CCDC169: variants seen among roughly 807,000 people sequenced by gnomAD.
The protein encoded by CCDC169 is coiled-coil domain-containing protein 169.
In CCDC169, 30 loss-of-function variants were observed where a neutral mutation model predicts 36.0. The observed-to-expected ratio is 0.83, with a 90% CI of 0.62 to 1.13. The LOEUF (loss-of-function observed/expected upper bound fraction) is 1.13, where lower values mean the gene tolerates loss of function less well. Ranked by LOEUF, CCDC169 falls within the 50% of genes most tolerant of loss-of-function variation. CCDC169 has a pLI of 0.00. For missense variants in CCDC169, 245 were observed against 245.9 expected (o/e 1.00, Z 0.03); for synonymous variants, 85 against 81.5 (o/e 1.04, Z -0.23).
downstream of CCDC169, chr13:36,227,149 A>G: frequency 8.4e-7 from 1 of 1,190,882 alleles, no homozygotes; most frequent in Non-Finnish European, 1.2e-6. Context: ...TTAAAGAAAT[A>G]CATGTGAGAT....
At chr13:36,250,281 C>T (rs149621796) in intron 6 of CCDC169, among the ~76,000 whole-genome samples, 8 of 152,182 alleles carry the variant, frequency 5.3e-5, no homozygotes, top group Admixed American at 3.9e-4. Flanking sequence ...TTTGGTCTAA[C>T]GGCAGTCTAG....
Position 36,296,838 on chromosome 13 carries a change from T to C in CCDC169, c.83+799A>G, listed in dbSNP as rs527696904. ...ACTATTTGTATACCAGTCTTAGAGC[T>C]GAGAAAACTGAGGATTAAAGAGGTT... On this transcript the variant is annotated intron_variant, in intron 1 of 7. Transcript: ENST00000239859. Among the ~76,000 whole-genome samples, 7 of 152,326 alleles carry C rather than the reference T, an allele frequency of 4.6e-5. No individual in the cohort carries two copies. The South Asian group carries it at 1.0e-3, about 23-fold the overall frequency.
At chr13:36,237,664 T>G (rs1871256358) in intron 7 of CCDC169, among the ~76,000 whole-genome samples, 1 of 152,216 alleles carries the variant, frequency 6.6e-6, no homozygotes, top group African/African-American at 2.4e-5. Flanking sequence ...AAATGTTATA[T>G]TAAGCAGCAG....
chr13:36,272,434 A>C (rs1472163305), intron 4 of CCDC169, among the ~76,000 whole-genome samples: 1 of 152,104 alleles, frequency 6.6e-6, no homozygotes, highest in African/African-American at 2.4e-5. Context: ...ACATGTAAAA[A>C]TTTTTTGAAG....
chr13:36,287,196 A>C (rs1878356736), intron 2 of CCDC169, among the ~76,000 whole-genome samples: 6 of 152,154 alleles, frequency 3.9e-5, no homozygotes, highest in Admixed American at 3.9e-4. Context: ...GCCTGCTTTA[A>C]ATCTGCTGTT....
At chr13:36,247,630 A>G (rs1160154336) in intron 7 of CCDC169, among the ~76,000 whole-genome samples, 1 of 152,192 alleles carries the variant, frequency 6.6e-6, no homozygotes, top group Admixed American at 6.5e-5. Flanking sequence ...TTAGAAGTAG[A>G]GCCTGAAGAG....
At chr13:36,276,847 C>A (rs1253659223) in intron 4 of CCDC169, among the ~76,000 whole-genome samples, 1 of 152,022 alleles carries the variant, frequency 6.6e-6, no homozygotes, top group Non-Finnish European at 1.5e-5. Flanking sequence ...ATATACATCC[C>A]CTATATCTGT....
At chr13:36,256,206 A>T (rs1234767042) in intron 4 of CCDC169, among the ~76,000 whole-genome samples, 1 of 152,178 alleles carries the variant, frequency 6.6e-6, no homozygotes, top group Non-Finnish European at 1.5e-5. Context: ...TCAGTCACTT[A>T]GGGAAGTTCA....
chr13:36,280,504 A>C (rs1877369933), intron 4 of CCDC169: 2 of 152,124 alleles, frequency 1.3e-5, no homozygotes, highest in Non-Finnish European at 1.5e-5. Flanking sequence ...TGAAGAGAAC[A>C]TAACATATGA....
downstream of CCDC169, among the ~76,000 whole-genome samples, chr13:36,227,623 T>C (rs904869780): frequency 6.6e-6 from 1 of 152,230 alleles, no homozygotes; most frequent in Non-Finnish European, 1.5e-5. Context: ...TATCTACTAA[T>C]ATTAAAATGT....
In CCDC169 at chr13:36,231,298, A is replaced by G; in HGVS notation, c.546-6T>C. The G allele has an allele frequency of 6.4e-7, 1 of 1,550,848 alleles. No individual in the cohort carries two copies. Among genetic ancestry groups the G allele is most frequent in the Non-Finnish European group, 8.7e-7 (1 of 1,146,638 alleles). On this transcript the variant is annotated splice_region_variant and splice_polypyrimidine_tract_variant and intron_variant, in intron 7 of 7. Coordinates refer to ENST00000239859, the MANE Select transcript of CCDC169 (RefSeq NM_001144981.3). Reference sequence around the variant, plus strand: ...TAGCTGGATTATATCTTCCACTGAAATAAATAAGTGTTAATCATAATTTTT... The same window carrying G: ...TAGCTGGATTATATCTTCCACTGAAGTAAATAAGTGTTAATCATAATTTTT...
At chr13:36,291,096 AG>A (rs1878826264) in intron 2 of CCDC169, among the ~76,000 whole-genome samples, 1 of 152,242 alleles carries the variant, frequency 6.6e-6, no homozygotes, top group South Asian at 2.1e-4. Flanking sequence ...TGAGAAGTGG[AG>A]GGTTGGACAT....
intron 4 of CCDC169, among the ~76,000 whole-genome samples, chr13:36,275,531 C>G (rs1392889979): frequency 6.6e-6 from 1 of 152,200 alleles, no homozygotes; most frequent in African/African-American, 2.4e-5. Flanking sequence ...AGGAGGCAGT[C>G]TCAGAGATTA....
At chr13:36,272,445 C>T (rs1183545970) in intron 4 of CCDC169, among the ~76,000 whole-genome samples, 1 of 152,088 alleles carries the variant, frequency 6.6e-6, no homozygotes, top group African/African-American at 2.4e-5. Context: ...TTTTTTGAAG[C>T]CCAGCACCTA....
chr13:36,290,445 T>C (rs1878737903), intron 2 of CCDC169, among the ~76,000 whole-genome samples: 1 of 152,210 alleles, frequency 6.6e-6, no homozygotes, highest in Non-Finnish European at 1.5e-5. Flanking sequence ...CCTTTTTGTT[T>C]GAAACACTGC....
At chr13:36,267,465 GA>G (rs1233720612) in intron 4 of CCDC169, among the ~76,000 whole-genome samples, 1 of 152,168 alleles carries the variant, frequency 6.6e-6, no homozygotes, top group East Asian at 1.9e-4. Flanking sequence ...AGGAGTTCTA[GA>G]CCTTGAAACA....
At chr13:36,237,967 G>A (rs2094135) in intron 7 of CCDC169, among the ~76,000 whole-genome samples, 61,617 of 151,888 alleles carry the variant, frequency 0.41, 13,267 homozygotes, top group Non-Finnish European at 0.48. Flanking sequence ...TTTTGTAAGC[G>A]CACTCTGATG....
intron 4 of CCDC169, among the ~76,000 whole-genome samples, chr13:36,277,116 T>C (rs1876925052): frequency 6.6e-6 from 1 of 152,128 alleles, no homozygotes; most frequent in Non-Finnish European, 1.5e-5. Flanking sequence ...ATATACACCA[T>C]GGAATAATAT....
chr13:36,286,849 G>C (rs966608364), intron 2 of CCDC169, among the ~76,000 whole-genome samples: 3 of 152,068 alleles, frequency 2.0e-5, no homozygotes, highest in African/African-American at 7.2e-5. Context: ...ACTGTGCAGT[G>C]GCTGGAAGGC....
Sources: gnomAD v4.1 joint callset for allele counts (sites outside exome capture counted in the v4.1 genomes callset) on GRCh38, gnomAD v4.1.1 for gene constraint, MANE v1.5 for transcripts, NCBI Gene and HGNC (gene_info 2026-07-23, HGNC 2026-07-21) for gene names.